Variants in ATP8A1 observed in about 807,000 individuals in gnomAD.
ATP8A1 encodes ATPase phospholipid transporting 8A1.
Under a neutral mutation model 177.7 loss-of-function variants are expected in ATP8A1, and 90 were observed. The ratio of observed to expected loss-of-function variants is 0.51; its 90% confidence interval spans 0.43 to 0.60. ATP8A1 has a LOEUF of 0.60. Among genes scored for constraint, ATP8A1 ranks in the 20% least tolerant of loss-of-function variants. The probability of loss-of-function intolerance (pLI) is 0.00; values close to 1 mark genes in which losing one functional copy is unlikely to be tolerated. For synonymous variants in ATP8A1, 493 were observed against 485.9 expected, an observed-to-expected ratio of 1.01 and a Z score of -0.19; for missense variants, 1,072 against 1,392.8, an observed-to-expected ratio of 0.77 and a Z score of 3.67.
intron 18 of ATP8A1, among the ~76,000 whole-genome samples, chr4:42,550,133 C>CTT (rs1729349069): frequency 6.6e-6 from 1 of 151,664 alleles, no homozygotes; most frequent in Admixed American, 6.6e-5. Context: ...CCATAAATCA[C>CTT]TTTTTCCTGA....
chr4:42,562,696 T>C (rs1031288806), intron 15 of ATP8A1, among the ~76,000 whole-genome samples: 1 of 152,194 alleles, frequency 6.6e-6, no homozygotes, highest in Admixed American at 6.5e-5. Flanking sequence ...AGAGACCTGA[T>C]GGAAGGCAAT....
chr4:42,471,021 A>G (rs1720341176), intron 25 of ATP8A1, among the ~76,000 whole-genome samples: 1 of 152,224 alleles, frequency 6.6e-6, no homozygotes, highest in African/African-American at 2.4e-5. Flanking sequence ...AAAATTTGGC[A>G]GGTTCATTTA....
chr4:42,656,624 C>A (rs999625152), intron 1 of ATP8A1, among the ~76,000 whole-genome samples: 3 of 152,054 alleles, frequency 2.0e-5, no homozygotes, highest in Non-Finnish European at 2.9e-5. Context: ...AACACCCATT[C>A]GAGGGTACTG....
At chr4:42,509,904 T>C (rs1724837895) in intron 22 of ATP8A1, among the ~76,000 whole-genome samples, 1 of 152,036 alleles carries the variant, frequency 6.6e-6, no homozygotes, top group Admixed American at 6.6e-5. Flanking sequence ...TTCCTTTATT[T>C]CTTAAAATAA....
intron 18 of ATP8A1, among the ~76,000 whole-genome samples, chr4:42,550,782 T>C (rs1577566091): frequency 6.6e-6 from 1 of 152,216 alleles, no homozygotes; most frequent in South Asian, 2.1e-4. Context: ...ACAATGTTTT[T>C]TCACATGCTT....
chr4:42,410,703 AC>A lies in ATP8A1; in HGVS notation c.*2212del. 6.6e-6 allele frequency: 1 copy of A among 152,360 alleles called. No individual in the cohort carries two copies. The highest frequency in any genetic ancestry group is 1.5e-5 in the Non-Finnish European group (1 of 68,034). 9.4% of individuals were successfully genotyped at this position (152,360 alleles called of 1,614,324 possible). On this transcript the variant is annotated 3_prime_UTR_variant, in exon 37 of 37. Transcript: ENST00000381668. Reference sequence around the variant, plus strand: ...TTTCAGATCATGTTACACATTATCAACCGTAAGTATTCTTCTCATGTTTAAG... The same window carrying A: ...TTTCAGATCATGTTACACATTATCAACGTAAGTATTCTTCTCATGTTTAAG...
At chr4:42,524,678 TA>T (rs1477664185) in intron 21 of ATP8A1, 84 bp downstream of exon 21, 3 of 808,982 alleles carry the variant, frequency 3.7e-6, no homozygotes, top group Non-Finnish European at 5.7e-6. Flanking sequence ...TCTCTAAGTC[TA>T]ATAATAATAA....
chr4:42,581,049 C>T (rs1732987381), intron 10 of ATP8A1, among the ~76,000 whole-genome samples: 1 of 152,194 alleles, frequency 6.6e-6, no homozygotes, highest in African/African-American at 2.4e-5. Flanking sequence ...GTAAATGCTG[C>T]CATAGACCCA....
chr4:42,637,607 A>C (rs2109534475), intron 1 of ATP8A1, among the ~76,000 whole-genome samples: 1 of 152,350 alleles, frequency 6.6e-6, no homozygotes, highest in Admixed American at 6.5e-5. Flanking sequence ...AGACTTGCTC[A>C]AGGTTAGAGA....
At chr4:42,529,692 T>C (rs1292217474) in intron 20 of ATP8A1, among the ~76,000 whole-genome samples, 2 of 152,168 alleles carry the variant, frequency 1.3e-5, no homozygotes, top group Admixed American at 6.5e-5. Flanking sequence ...GGTTCACAGA[T>C]GGTTCTGCAC....
At chr4:42,636,374 G>A (rs1739394631) in intron 1 of ATP8A1, among the ~76,000 whole-genome samples, 2 of 150,856 alleles carry the variant, frequency 1.3e-5, no homozygotes, top group Non-Finnish European at 3.0e-5. Context: ...TCGATTGTGA[G>A]CCTGACAGCA....
At chr4:42,548,239 G>A (rs1306383261) in intron 19 of ATP8A1, among the ~76,000 whole-genome samples, 1 of 152,128 alleles carries the variant, frequency 6.6e-6, no homozygotes. Context: ...TAGATATAAT[G>A]AGCATACAAT....
chr4:42,614,450 C>G (rs2109445580), intron 5 of ATP8A1, among the ~76,000 whole-genome samples: 1 of 152,278 alleles, frequency 6.6e-6, no homozygotes, highest in East Asian at 1.9e-4. Flanking sequence ...CCAAAAATAC[C>G]AGGCTTGAAA....
chr4:42,588,981 C>A (rs1262732778), intron 7 of ATP8A1, among the ~76,000 whole-genome samples: 1 of 152,222 alleles, frequency 6.6e-6, no homozygotes, highest in Non-Finnish European at 1.5e-5. Flanking sequence ...GCGGTAAAAA[C>A]TAAAACTAAA....
intron 23 of ATP8A1, among the ~76,000 whole-genome samples, chr4:42,504,080 G>A (rs1724122649): frequency 6.6e-6 from 1 of 152,192 alleles, no homozygotes; most frequent in African/African-American, 2.4e-5. Context: ...TGTGTCTAAA[G>A]AGGCAACTCT....
At chr4:42,468,704 G>T (rs892964517) in intron 25 of ATP8A1, among the ~76,000 whole-genome samples, 1 of 152,008 alleles carries the variant, frequency 6.6e-6, no homozygotes, top group African/African-American at 2.4e-5. Flanking sequence ...TACAAATTGG[G>T]TACAGTGTAT....
At chr4:42,456,624 T>C (rs572928446) in intron 27 of ATP8A1, among the ~76,000 whole-genome samples, 1 of 152,266 alleles carries the variant, frequency 6.6e-6, no homozygotes, top group Middle Eastern at 3.4e-3. Context: ...CGTTATTGTT[T>C]TTAAAAAGCA....
intron 9 of ATP8A1, among the ~76,000 whole-genome samples, chr4:42,586,022 T>C (rs73164778): frequency 0.017 from 2,596 of 152,210 alleles, 74 homozygotes; most frequent in African/African-American, 0.06. Context: ...AACACGAGTA[T>C]TTGGCCAAAG....
chr4:42,439,927 C>T (rs1716433914), intron 33 of ATP8A1, among the ~76,000 whole-genome samples: 1 of 152,232 alleles, frequency 6.6e-6, no homozygotes, highest in Non-Finnish European at 1.5e-5. Flanking sequence ...GAAACCTTAT[C>T]TCTGCCACTA....
Sources: gnomAD v4.1 joint callset for allele counts (sites outside exome capture counted in the v4.1 genomes callset) on GRCh38, gnomAD v4.1.1 for gene constraint, MANE v1.5 for transcripts, NCBI Gene and HGNC (gene_info 2026-07-23, HGNC 2026-07-21) for gene names.